Variants in ZSWIM8 observed in about 807,000 individuals in gnomAD.
ZSWIM8 encodes zinc finger SWIM domain-containing protein 8.
Under a neutral mutation model 173.7 loss-of-function variants are expected in ZSWIM8, and 27 were observed. That is an observed-to-expected ratio of 0.16 (90% CI 0.11 to 0.21). The LOEUF (loss-of-function observed/expected upper bound fraction) is 0.21. Among genes scored for constraint, ZSWIM8 ranks in the 10% least tolerant of loss-of-function variants. The probability of loss-of-function intolerance (pLI) is 1.00; values close to 1 mark genes in which losing one functional copy is unlikely to be tolerated. For missense variants in ZSWIM8, 1,627 were observed against 2,428.8 expected (o/e 0.67, Z 6.94); for synonymous variants, 958 against 962.0 (o/e 1.00, Z 0.08).
At chr10:73,794,963 G>A (rs2083568897) in intron 14 of ZSWIM8, 1 of 202,880 alleles carries the variant, frequency 4.9e-6, no homozygotes, top group Non-Finnish European at 1.0e-5. Context: ...AATTAGCCAG[G>A]TGTGGTGGCA....
In ZSWIM8 at chr10:73,800,712, C is replaced by G. The variant is rs370612771; in HGVS notation, c.5075C>G (p.Pro1692Arg). Residue 1692 changes from proline (P) to arginine (R), a missense_variant, in exon 24 of 26, where the codon CCC (proline) becomes CGC (arginine). Physicochemically the swap from Pro to Arg is moderately radical, Grantham distance 103. This residue lies in a region of ZSWIM8 where 30 missense variants were observed against 20.9 expected (regional missense o/e 1.44). Coordinates refer to ENST00000604729, the MANE Select transcript of ZSWIM8 (RefSeq NM_001367799.1). The surrounding 1 kb of genome is among the most constrained non-coding windows in gnomAD (Gnocchi z 4.1). ...DHPNNFSRSP[P>R]YTDDVKWLLG... Reference sequence around the variant, plus strand: ...CCCAACAACTTCTCCCGCTCCCCCCCCTACACTGATGATGTCAAATGGTTG... The same window carrying G: ...CCCAACAACTTCTCCCGCTCCCCCCGCTACACTGATGATGTCAAATGGTTG... 10 of 1,613,682 alleles carry G rather than the reference C, an allele frequency of 6.2e-6. No homozygotes were observed. Among genetic ancestry groups the G allele is most frequent in the East Asian group, 2.2e-5 (1 of 44,882 alleles).
At chr10:73,787,415 T>C (rs2132647773) in intron 1 of ZSWIM8, among the ~76,000 whole-genome samples, 1 of 152,330 alleles carries the variant, frequency 6.6e-6, no homozygotes, top group East Asian at 1.9e-4. Flanking sequence ...GTCTTGGGGC[T>C]TAGTGCTCCC....
At chr10:73,793,443 GTCTT>G in intron 10 of ZSWIM8, 141 bp from the exon 11 acceptor site, 1 of 853,308 alleles carries the variant, frequency 1.2e-6, no homozygotes, top group Non-Finnish European at 1.7e-6. Context: ...TTATGTGTCT[GTCTT>G]TCTAACCAGA....
chr10:73,801,498 G>A lies in ZSWIM8; in HGVS notation c.5484G>A (p.Glu1828=), dbSNP rs770574909. ...AGCTGTGGCAGCGGGTCTCACTCGA[G>A]ATGGCCACCTTCTCCCCCTGAGTCT... is the stretch of plus-strand genomic sequence containing the variant. The part of the protein sequence containing the change: ...TKELWQRVSL[E]MATFSP The change falls in exon 26 of 26, where the codon GAG becomes GAA. Residue 1828 remains glutamate (E), a synonymous_variant. Transcript: ENST00000604729. The surrounding 1 kb of genome is among the most constrained non-coding windows in gnomAD (Gnocchi z 4.9). The A allele has an allele frequency of 6.2e-7, 1 of 1,613,972 alleles. No homozygotes were observed. The highest frequency in any genetic ancestry group is 1.1e-5 in the South Asian group (1 of 91,084).
At position 73,785,609 on chromosome 10, in the gene ZSWIM8, C is replaced by A. The variant is rs528697108; in HGVS notation, c.-270C>A. On this transcript the variant is annotated 5_prime_UTR_variant, in exon 1 of 26. Transcript: ENST00000604729. Reference sequence around the variant, plus strand: ...CTGATGGGGGAGGCGGCTCCGCAGCCGCCTAGAGGCCCCAGCCGCCGAGCG... The same window carrying A: ...CTGATGGGGGAGGCGGCTCCGCAGCAGCCTAGAGGCCCCAGCCGCCGAGCG... 10 of 543,648 alleles carry A rather than the reference C, an allele frequency of 1.8e-5. No individual in the cohort carries two copies. Among genetic ancestry groups the A allele is most frequent in the South Asian group, 1.1e-4 (7 of 62,498 alleles). 33.7% of individuals were successfully genotyped at this position (543,648 alleles called of 1,614,324 possible).
Position 73,799,280 on chromosome 10 carries a change from A to G in ZSWIM8, c.4455A>G (p.Thr1485=), listed in dbSNP as rs547982560. The change falls in exon 21 of 26, where the codon ACA becomes ACG. Residue 1485 remains threonine, a synonymous_variant. Transcript: ENST00000604729. ...VAAAAVTAAA[T]VVPVISVGSS... ...CGGCAGCAGTGACAGCAGCAGCCAC[A>G]GTGGTGCCCGTCATATCGGTGGGGT... 2 of 1,600,934 alleles carry G rather than the reference A, an allele frequency of 1.2e-6. No individual in the cohort carries two copies. The highest frequency in any genetic ancestry group is 2.7e-5 in the African/African-American group (2 of 74,670).
chr10:73,785,626 C>A lies in ZSWIM8; in HGVS notation c.-253C>A. On this transcript the variant is annotated 5_prime_UTR_variant, in exon 1 of 26. Coordinates refer to ENST00000604729, the MANE Select transcript of ZSWIM8 (RefSeq NM_001367799.1). Reference sequence around the variant, plus strand: ...TCCGCAGCCGCCTAGAGGCCCCAGCCGCCGAGCGCTTCGTCCCGGCCCTAA... The same window carrying A: ...TCCGCAGCCGCCTAGAGGCCCCAGCAGCCGAGCGCTTCGTCCCGGCCCTAA... 1.1e-5 allele frequency: 6 copies of A among 567,726 alleles called. No individual in the cohort carries two copies. Among genetic ancestry groups the A allele is most frequent in the South Asian group, 3.2e-5 (2 of 62,876 alleles). The allele number at this position is 567,726 out of a possible 1,614,324, so 35.2% of individuals were successfully genotyped here.
At chr10:73,799,959 G>A in intron 21 of ZSWIM8, 52 bp from the exon 22 acceptor site, 1 of 1,579,340 alleles carries the variant, frequency 6.3e-7, no homozygotes, top group Non-Finnish European at 8.6e-7. Context: ...AAGCACGACA[G>A]CAACATCCTA....
chr10:73,796,981 C>G lies in ZSWIM8; in HGVS notation c.3241C>G (p.Pro1081Ala). 1 of 1,612,576 alleles carries G rather than the reference C, an allele frequency of 6.2e-7. No individual in the cohort carries two copies. The highest frequency in any genetic ancestry group is 8.5e-7 in the Non-Finnish European group (1 of 1,178,998). ...GAGTGTGGCAGGGGCTGGGCCAGGC[C>G]CCACTGAGGGCTTCACAGAGAAGAA... ...PGSVAGAGPG[P>A]TEGFTEKNVP... Residue 1081 changes from proline to alanine, a missense_variant, in exon 16 of 26, where the codon CCC becomes GCC. This residue lies in a region of ZSWIM8 where 163 missense variants were observed against 193.2 expected (regional missense o/e 0.84). Coordinates refer to ENST00000604729, the MANE Select transcript of ZSWIM8 (RefSeq NM_001367799.1).
chr10:73,793,531 T>A, intron 10 of ZSWIM8, 57 bp from the exon 11 acceptor site: 2 of 1,516,392 alleles, frequency 1.3e-6, no homozygotes, highest in Non-Finnish European at 1.8e-6. Context: ...GTGAGCATGA[T>A]GTCCTGCTCC....
At position 73,797,326 on chromosome 10, in the gene ZSWIM8, C is replaced by CTTAA; in HGVS notation, c.3434-50_3434-47dup. 3 of 1,612,994 alleles carry CTTAA rather than the reference C, an allele frequency of 1.9e-6. No individual in the cohort carries two copies. ...GAAGGATAATCCTGAAGGTTGGAGT[C>CTTAA]TTAACATCTGGGACTCCTGACTTCT... On this transcript the variant is annotated intron_variant, in intron 17 of 25. Transcript: ENST00000604729. This position sits in a 1 kb window ranked among gnomAD's most constrained non-coding sequence, Gnocchi z 5.6.
Position 73,792,145 on chromosome 10 carries a change from A to G in ZSWIM8, c.1606A>G (p.Thr536Ala), listed in dbSNP as rs995582838. Residue 536 changes from threonine to alanine, a missense_variant, in exon 10 of 26, where the codon ACT (threonine) becomes GCT (alanine). This residue lies in a region of ZSWIM8 where 383 missense variants were observed against 394.8 expected (regional missense o/e 0.97). Transcript: ENST00000604729. The surrounding 1 kb of genome is among the most constrained non-coding windows in gnomAD (Gnocchi z 4.3). ...ESRDRPRPLPTEPAVRPKEPG... is the reference protein window; with the variant it reads ...ESRDRPRPLPAEPAVRPKEPG... Reference sequence around the variant, plus strand: ...CCGGGACCGGCCCCGACCCCTTCCTACTGAGCCAGCTGTGCGGCCCAAGGA... The same window carrying G: ...CCGGGACCGGCCCCGACCCCTTCCTGCTGAGCCAGCTGTGCGGCCCAAGGA... 8.5e-6 allele frequency: 13 copies of G among 1,531,586 alleles called. No homozygotes were observed. Among genetic ancestry groups the G allele is most frequent in the East Asian group, 4.6e-5 (2 of 43,830 alleles). The allele number at this position is 1,531,586 out of a possible 1,614,324, so 94.9% of individuals were successfully genotyped here.
At chr10:73,793,502 A>C (rs1423806026) in intron 10 of ZSWIM8, 86 bp from the exon 11 acceptor site, 2 of 1,459,556 alleles carry the variant, frequency 1.4e-6, no homozygotes, top group Non-Finnish European at 1.8e-6. Context: ...CAAGTGTTCA[A>C]GGAATGTTGG....
intron 1 of ZSWIM8, among the ~76,000 whole-genome samples, chr10:73,787,814 T>C (rs527320600): frequency 1.8e-4 from 27 of 152,040 alleles, no homozygotes; most frequent in African/African-American, 5.6e-4. Context: ...GATGGCACCA[T>C]TGCACTCCAG....
At position 73,791,507 on chromosome 10, in the gene ZSWIM8, T is replaced by C; in HGVS notation, c.1319+8T>C. 2 of 1,588,254 alleles carry C rather than the reference T, an allele frequency of 1.3e-6. No homozygotes were observed. Among genetic ancestry groups the C allele is most frequent in the Non-Finnish European group, 1.7e-6 (2 of 1,162,780 alleles). The stretch of plus-strand genomic sequence containing the variant: ...TGCACTCAGCCCCCAGCGGTGAGTC[T>C]CCCCTGAGGCTCACCACAGAACTGA... On this transcript the variant is annotated splice_region_variant and intron_variant, in intron 9 of 25. Transcript: ENST00000604729. This position sits in a 1 kb window ranked among gnomAD's most constrained non-coding sequence, Gnocchi z 6.0.
rs781757535 is a variant in ZSWIM8 at position 73,792,082 on chromosome 10, C to T, written c.1543C>T (p.Arg515Trp). 2.3e-5 allele frequency: 35 copies of T among 1,532,058 alleles called. No homozygotes were observed. The highest frequency in any genetic ancestry group is 4.9e-5 in the East Asian group (2 of 40,654). 94.9% of individuals were successfully genotyped at this position (1,532,058 alleles called of 1,614,324 possible). The change falls in exon 10 of 26, where the codon CGG becomes TGG. Residue 515 changes from arginine (R) to tryptophan (W), a missense_variant. Coordinates refer to ENST00000604729, the MANE Select transcript of ZSWIM8 (RefSeq NM_001367799.1). This position sits in a 1 kb window ranked among gnomAD's most constrained non-coding sequence, Gnocchi z 4.3. ...ALCWARALPS[R>W]PGASRSGGLE... ...GTGCTGGGCCCGGGCCCTGCCCTCT[C>T]GGCCAGGTGCCTCCCGCTCTGGGGG...
rs757398133 is a variant in ZSWIM8 at position 73,794,263 on chromosome 10, C to A, written c.2742C>A (p.Leu914=). Residue 914 remains leucine, a synonymous_variant, in exon 13 of 26, where the codon CTC becomes CTA. Coordinates refer to ENST00000604729, the MANE Select transcript of ZSWIM8 (RefSeq NM_001367799.1). Reference sequence around the variant, plus strand: ...CAGAGGAACTTCGGGAGGGGACACTCTGTGACTATCGGCCTGTGTTGCCTC... The same window carrying A: ...CAGAGGAACTTCGGGAGGGGACACTATGTGACTATCGGCCTGTGTTGCCTC... ...CRAEELREGT[L]CDYRPVLPLM... 1 of 1,614,024 alleles carries A rather than the reference C, an allele frequency of 6.2e-7. No individual in the cohort carries two copies. The highest frequency in any genetic ancestry group is 8.5e-7 in the Non-Finnish European group (1 of 1,179,890).
At chr10:73,793,509 T>C in intron 10 of ZSWIM8, 79 bp from the exon 11 acceptor site, 1 of 1,479,806 alleles carries the variant, frequency 6.8e-7, no homozygotes, top group Non-Finnish European at 9.1e-7. Flanking sequence ...TCAAGGAATG[T>C]TGGCTGCATG....
rs777585991 is a variant in ZSWIM8 at position 73,800,063 on chromosome 10, C to T, written c.4718C>T (p.Pro1573Leu). The change falls in exon 22 of 26, where the codon CCC becomes CTC. Residue 1573 changes from proline (P) to leucine (L), a missense_variant. Pro to Leu is a moderately conservative substitution (Grantham distance 98, BLOSUM62 -3). This residue lies in a region of ZSWIM8 where 275 missense variants were observed against 290.1 expected (regional missense o/e 0.95). Coordinates refer to ENST00000604729, the MANE Select transcript of ZSWIM8 (RefSeq NM_001367799.1). The surrounding 1 kb of genome is among the most constrained non-coding windows in gnomAD (Gnocchi z 4.1). ...CAGTACCCTTATTCAGTGACTCCTCCCTCACTTGCTGCCACTGCTGTGTCT... is the reference window on the plus strand; with the variant it reads ...CAGTACCCTTATTCAGTGACTCCTCTCTCACTTGCTGCCACTGCTGTGTCT... ...GAQYPYSVTP[P>L]SLAATAVSFP... 2.5e-6 allele frequency: 4 copies of T among 1,613,848 alleles called. No individual in the cohort carries two copies. In the South Asian group the frequency reaches 4.4e-5, roughly 18 times the overall value.
Sources: allele counts gnomAD v4.1 joint callset (sites outside exome capture counted in the v4.1 genomes callset), GRCh38; gene constraint gnomAD v4.1.1; regional missense constraint gnomAD v4.1.1; non-coding constraint Gnocchi (gnomAD v3.1); transcripts MANE v1.5; gene names NCBI Gene and HGNC (gene_info 2026-07-23, HGNC 2026-07-21).